Variants in LAMC3 observed in about 807,000 individuals in gnomAD.
LAMC3 encodes laminin subunit gamma-3.
LAMC3 carries 128 observed loss-of-function variants against 173.8 expected under a neutral mutation model. The ratio of observed to expected loss-of-function variants is 0.74; its 90% confidence interval spans 0.64 to 0.85. The LOEUF is 0.85. LAMC3 is among the 40% of genes least tolerant of loss of function. The pLI is 0.00. For synonymous variants in LAMC3, 897 were observed against 909.1 expected (o/e 0.99, Z 0.24); for missense variants, 2,022 against 2,156.0 (o/e 0.94, Z 1.23).
At chr9:131,068,865 G>A (rs759899545) in intron 15 of LAMC3, 43 bp from the exon 16 acceptor site, 26 of 1,612,296 alleles carry the variant, frequency 1.6e-5, no homozygotes, top group South Asian at 1.2e-4. Context: ...GGCCAGGAGT[G>A]GCCCTGAGCT....
At chr9:131,069,174 G>A (rs1380743712) in intron 16 of LAMC3, 124 bp downstream of exon 16, 9 of 1,135,002 alleles carry the variant, frequency 7.9e-6, no homozygotes, top group East Asian at 2.4e-5. Flanking sequence ...ACAGGGTCCC[G>A]AGAGCAGCCG....
intron 24 of LAMC3, 137 bp downstream of exon 24, chr9:131,082,298 T>C: frequency 1.4e-6 from 1 of 701,736 alleles, no homozygotes; most frequent in Non-Finnish European, 2.6e-6. Flanking sequence ...AAACAGACTT[T>C]CCCTCCACCT....
intron 24 of LAMC3, among the ~76,000 whole-genome samples, chr9:131,084,640 T>C (rs1588170514): frequency 6.6e-6 from 1 of 152,096 alleles, no homozygotes; most frequent in East Asian, 1.9e-4. Context: ...CTCACACCCG[T>C]AATCCCAGCA....
At chr9:131,054,920 T>C (rs532724612) in intron 11 of LAMC3, among the ~76,000 whole-genome samples, 30 of 152,284 alleles carry the variant, frequency 2.0e-4, no homozygotes, top group African/African-American at 7.2e-4. Flanking sequence ...CAGCTAACAG[T>C]GCGTCGTGGA....
intron 3 of LAMC3, among the ~76,000 whole-genome samples, chr9:131,033,008 CT>C (rs1031136745): frequency 3.2e-4 from 49 of 152,216 alleles, no homozygotes; most frequent in African/African-American, 1.2e-3. Flanking sequence ...GAGAAAGGCG[CT>C]TCTCTCTGGC....
intron 4 of LAMC3, 76 bp from the exon 5 acceptor site, chr9:131,038,788 G>C: frequency 1.4e-6 from 2 of 1,456,488 alleles, no homozygotes; most frequent in South Asian, 2.3e-5. Context: ...TTAGCACAGG[G>C]AGGCTGACTG....
At chr9:131,058,198 AGCCTCCT>A (rs1446068685) in intron 12 of LAMC3, among the ~76,000 whole-genome samples, 1 of 152,132 alleles carries the variant, frequency 6.6e-6, no homozygotes, top group Non-Finnish European at 1.5e-5. Context: ...GGCTCACTGC[AGCCTCCT>A]GCTGGGTTCA....
At position 131,061,104 on chromosome 9, in the gene LAMC3, A is replaced by C. The variant is rs1588157161; in HGVS notation, c.2228A>C (p.Asn743Thr). Residue 743 changes from asparagine (N) to threonine (T), a missense_variant, in exon 13 of 28, where the codon AAC becomes ACC. Coordinates refer to ENST00000361069, the MANE Select transcript of LAMC3 (RefSeq NM_006059.4). Reference sequence around the variant, plus strand: ...CGCTGTTTGCCAGGTTTCTATGGCAACCCTTTCGCGGGCCAAGCCGACGAC... The same window carrying C: ...CGCTGTTTGCCAGGTTTCTATGGCACCCCTTTCGCGGGCCAAGCCGACGAC... ...CERCLPGFYG[N>T]PFAGQADDCQ... is the part of the protein sequence containing the mutation. The C allele has an allele frequency of 6.2e-7, 1 of 1,613,346 alleles. No homozygotes were observed.
Position 131,009,531 on chromosome 9 carries a change from C to G in LAMC3, c.317C>G (p.Pro106Arg), listed in dbSNP as rs539055472. 5 of 1,562,322 alleles carry G rather than the reference C, an allele frequency of 3.2e-6. No individual in the cohort carries two copies. The East Asian group carries it at 7.2e-5, about 22-fold the overall frequency. ...SQDESTWWQS[P>R]SMAFGVQYPT... is the part of the protein sequence containing the mutation. ...GACGAGAGCACCTGGTGGCAGAGCC[C>G]GTCCATGGCCTTCGGCGTGCAGTAC... Residue 106 changes from proline (P) to arginine (R), a missense_variant, in exon 1 of 28, where the codon CCG becomes CGG. By Grantham distance (103) the Pro-to-Arg change is moderately radical (BLOSUM62 -2). Coordinates refer to ENST00000361069, the MANE Select transcript of LAMC3 (RefSeq NM_006059.4). This position sits in a 1 kb window ranked among gnomAD's most constrained non-coding sequence, Gnocchi z 4.3.
intron 8 of LAMC3, among the ~76,000 whole-genome samples, chr9:131,046,866 A>G (rs112542178): frequency 4.0e-4 from 57 of 142,212 alleles, no homozygotes; most frequent in East Asian, 1.0e-3. Context: ...GAAGAACCTC[A>G]GGGCCGACGC....
At chr9:131,085,426 G>A (rs1830312210) in intron 24 of LAMC3, 98 bp from the exon 25 acceptor site, 2 of 1,211,156 alleles carry the variant, frequency 1.7e-6, no homozygotes, top group Non-Finnish European at 2.5e-6. Context: ...CGTTGTCCAA[G>A]GGTCTGTGGT....
rs1830008989 is a variant in LAMC3 at position 131,069,780 on chromosome 9, A to G, written c.2999A>G (p.Asn1000Ser). ...EGYKCDRCHD[N>S]FFLTADGTHC... ...TACAAATGTGACCGCTGCCACGACA[A>G]CTTCTTCCTCACGGCAGACGGCACA... Residue 1000 changes from asparagine to serine, a missense_variant, in exon 17 of 28, where the codon AAC becomes AGC. By Grantham distance (46) the Asn-to-Ser change is conservative (BLOSUM62 1). Transcript: ENST00000361069. The G allele has an allele frequency of 6.3e-7, 1 of 1,595,610 alleles. No individual in the cohort carries two copies. The highest frequency in any genetic ancestry group is 1.7e-5 in the Admixed American group (1 of 57,374).
Position 131,073,253 on chromosome 9 carries a change from T to C in LAMC3, c.3426T>C (p.Pro1142=), listed in dbSNP as rs1464118817. 3.7e-6 allele frequency: 6 copies of C among 1,613,058 alleles called. No individual in the cohort carries two copies. Among genetic ancestry groups the C allele is most frequent in the Non-Finnish European group, 5.1e-6 (6 of 1,179,714 alleles). ...TCCTCTTCTTTCTACAGGAGATTCC[T>C]CAGGAAGGTCCCAGTCAGCCGACCA... ...AAAILASLEI[P]QEGPSQPTKW... is the part of the protein sequence containing the mutation. Residue 1142 remains proline, a synonymous_variant, in exon 20 of 28, where the codon CCT becomes CCC. Transcript: ENST00000361069.
rs764601429 is a variant in LAMC3, at chr9:131,077,168, G to A, written c.3630-19G>A. ...GGGCTAGTTCTGCACCCAGCTCCGT[G>A]GCCTCTGCTTCCTCCCAGGTACCAG... On this transcript the variant is annotated intron_variant, in intron 21 of 27. Transcript: ENST00000361069. The A allele has an allele frequency of 1.9e-6, 3 of 1,612,798 alleles. No homozygotes were observed. Among genetic ancestry groups the A allele is most frequent in the Non-Finnish European group, 2.5e-6 (3 of 1,179,990 alleles).
At chr9:131,067,836 C>A (rs1432656152) in intron 14 of LAMC3, among the ~76,000 whole-genome samples, 1 of 152,166 alleles carries the variant, frequency 6.6e-6, no homozygotes, top group African/African-American at 2.4e-5. Context: ...GGGCTCAGGG[C>A]AGGCTCAGAA....
At chr9:131,085,425 A>G (rs1288952845) in intron 24 of LAMC3, 99 bp from the exon 25 acceptor site, 11 of 1,206,732 alleles carry the variant, frequency 9.1e-6, no homozygotes, top group East Asian at 4.7e-5. Flanking sequence ...TCGTTGTCCA[A>G]GGGTCTGTGG....
chr9:131,045,604 T>A lies in LAMC3; in HGVS notation c.1463T>A (p.Val488Glu), dbSNP rs1564374028. ...TGTTTCTGCTATGGCCACTCCAAGG[T>A]GTGCGCGTCCACTGCCCAGTTCCAG... ...SSCFCYGHSK[V>E]CASTAQFQVH... Residue 488 changes from valine (V) to glutamate (E), a missense_variant, in exon 8 of 28, where the codon GTG (valine) becomes GAG (glutamate). Val to Glu is a moderately radical substitution (Grantham distance 121). Transcript: ENST00000361069. 1.9e-6 allele frequency: 3 copies of A among 1,614,046 alleles called. No individual in the cohort carries two copies. The highest frequency in any genetic ancestry group is 1.3e-5 in the African/African-American group (1 of 74,922).
Position 131,038,886 on chromosome 9 carries a change from C to T in LAMC3, c.999C>T (p.Ser333=), listed in dbSNP as rs777117087. Residue 333 remains serine, a synonymous_variant, in exon 5 of 28, where the codon TCC becomes TCT. Coordinates refer to ENST00000361069, the MANE Select transcript of LAMC3 (RefSeq NM_006059.4). ...TAGCCTGCAACTGCAGTGGCCGCTC[C>T]GAGGAATGCACGTTTGATCGGGAGC... The part of the protein sequence containing the change: ...ECLPCNCSGR[S]EECTFDRELF... 5.3e-5 allele frequency: 85 copies of T among 1,613,218 alleles called. No homozygotes were observed. The East Asian group carries it at 5.3e-4, about 10-fold the overall frequency.
At chr9:131,058,218 A>G (rs1454508156) in intron 12 of LAMC3, among the ~76,000 whole-genome samples, 1 of 152,200 alleles carries the variant, frequency 6.6e-6, no homozygotes, top group African/African-American at 2.4e-5. Context: ...TGGGTTCAAG[A>G]GATCCTCCCA....
Sources: gnomAD v4.1 joint callset for allele counts (sites outside exome capture counted in the v4.1 genomes callset) on GRCh38, gnomAD v4.1.1 for gene constraint, Gnocchi (gnomAD v3.1) non-coding constraint, MANE v1.5 for transcripts, NCBI Gene and HGNC (gene_info 2026-07-23, HGNC 2026-07-21) for gene names.